Variants in CACNA2D3 observed in about 807,000 individuals in gnomAD.
CACNA2D3 encodes voltage-dependent calcium channel subunit alpha-2/delta-3.
Under a neutral mutation model 160.6 loss-of-function variants are expected in CACNA2D3, and 60 were observed. That is an observed-to-expected ratio of 0.37 (90% CI 0.30 to 0.46). The LOEUF (loss-of-function observed/expected upper bound fraction) is 0.46. Among genes scored for constraint, CACNA2D3 ranks in the 20% least tolerant of loss-of-function variants. The pLI, the probability that CACNA2D3 is intolerant of heterozygous loss-of-function variation, is 1.00. For synonymous variants in CACNA2D3, 558 were observed against 492.9 expected, an observed-to-expected ratio of 1.13 and a Z score of -1.75; for missense variants, 1,205 against 1,365.0, an observed-to-expected ratio of 0.88 and a Z score of 1.85.
At chr3:54,183,386 G>A (rs1180607413) in intron 2 of CACNA2D3, among the ~76,000 whole-genome samples, 1 of 151,994 alleles carries the variant, frequency 6.6e-6, no homozygotes, top group Non-Finnish European at 1.5e-5. Flanking sequence ...GGGAACTGGG[G>A]CCTGTGAAGA....
intron 11 of CACNA2D3, among the ~76,000 whole-genome samples, chr3:54,649,928 C>A (rs890427707): frequency 6.6e-6 from 1 of 152,166 alleles, no homozygotes; most frequent in Non-Finnish European, 1.5e-5. Context: ...CTGTAACTGT[C>A]AAATAACAGA....
At chr3:54,288,393 T>G (rs1281146666) in intron 2 of CACNA2D3, among the ~76,000 whole-genome samples, 5 of 152,200 alleles carry the variant, frequency 3.3e-5, no homozygotes, top group African/African-American at 1.2e-4. Flanking sequence ...AATCTCTGAA[T>G]AGACCAATAA....
intron 2 of CACNA2D3, among the ~76,000 whole-genome samples, chr3:54,219,302 G>C (rs1701522682): frequency 6.6e-6 from 1 of 152,172 alleles, no homozygotes; most frequent in African/African-American, 2.4e-5. Flanking sequence ...AAATGCTATG[G>C]CTCAGGGCTT....
At chr3:54,571,103 T>C (rs1702488974) in intron 8 of CACNA2D3, among the ~76,000 whole-genome samples, 1 of 152,130 alleles carries the variant, frequency 6.6e-6, no homozygotes, top group African/African-American at 2.4e-5. Context: ...AAGCAGGGGC[T>C]TCCAGCTTAT....
At chr3:54,170,075 C>G (rs1207265133) in intron 2 of CACNA2D3, among the ~76,000 whole-genome samples, 4 of 151,488 alleles carry the variant, frequency 2.6e-5, no homozygotes, top group Admixed American at 6.6e-5. Flanking sequence ...GTAATCCCAG[C>G]TACTTGGGAG....
chr3:54,146,745 C>T (rs572536831), intron 2 of CACNA2D3, among the ~76,000 whole-genome samples: 1 of 152,310 alleles, frequency 6.6e-6, no homozygotes, highest in East Asian at 1.9e-4. Flanking sequence ...AGGGAGTCTG[C>T]GGGGTGTCAC....
At chr3:54,911,349 G>GTTTTTTTT (rs1700551309) in intron 27 of CACNA2D3, among the ~76,000 whole-genome samples, 2 of 18,006 alleles carry the variant, frequency 1.1e-4, no homozygotes, top group African/African-American at 3.6e-4. Flanking sequence ...CTTCTTTGTC[G>GTTTTTTTT]TCTTTTTTTT....
At chr3:55,055,447 T>TA (rs1241626392) in intron 35 of CACNA2D3, among the ~76,000 whole-genome samples, 1 of 152,146 alleles carries the variant, frequency 6.6e-6, no homozygotes, top group Non-Finnish European at 1.5e-5. Flanking sequence ...TTAATTACTA[T>TA]AGCTTTGTTG....
At chr3:54,896,924 C>T in intron 26 of CACNA2D3, 54 bp downstream of exon 26, 3 of 1,611,598 alleles carry the variant, frequency 1.9e-6, no homozygotes, top group Admixed American at 3.3e-5. Flanking sequence ...TGGGTCTGGG[C>T]ATTGTGTGCA....
intron 27 of CACNA2D3, among the ~76,000 whole-genome samples, chr3:54,943,578 A>AT (rs1701532574): frequency 6.6e-6 from 1 of 151,628 alleles, no homozygotes; most frequent in Non-Finnish European, 1.5e-5. Flanking sequence ...TTTTTATGTT[A>AT]TTTTTCCCTG....
rs60899252 is a variant in CACNA2D3 at position 54,886,935 on chromosome 3, C to CTTTTTTTTTTTTTTTTTTTTTT, written c.2057-1010_2057-1009insTTTTTTTTTTTTTTTTTTTTTT. 1.9e-5 allele frequency among the ~76,000 whole-genome samples: 2 copies of CTTTTTTTTTTTTTTTTTTTTTT among 107,748 alleles called. 1 individual carries two copies. Among genetic ancestry groups the CTTTTTTTTTTTTTTTTTTTTTT allele is most frequent in the African/African-American group, 7.8e-5 (2 of 25,644 alleles). 70.7% of individuals were successfully genotyped at this position (107,748 alleles called of 152,430 possible). A position where few individuals can be genotyped will look rare whatever the true frequency, so the allele number is the denominator to read the frequency against. ...CTAGCTTTCGCTTTTCAGCAAAGCT[C>CTTTTTTTTTTTTTTTTTTTTTT]TTTTTTTTTTTTTTGCCCCCAGTCA... On this transcript the variant is annotated intron_variant, in intron 23 of 37. Transcript: ENST00000474759.
intron 2 of CACNA2D3, among the ~76,000 whole-genome samples, chr3:54,184,452 T>C (rs1221383689): frequency 6.6e-6 from 1 of 152,204 alleles, no homozygotes; most frequent in Non-Finnish European, 1.5e-5. Flanking sequence ...TTGCCCAAGA[T>C]CATGAGCTTA....
At chr3:54,803,499 T>C (rs1031562596) in intron 13 of CACNA2D3, among the ~76,000 whole-genome samples, 1 of 151,854 alleles carries the variant, frequency 6.6e-6, no homozygotes, top group African/African-American at 2.4e-5. Context: ...AAGGGAAGTT[T>C]AGAGAAAAAA....
intron 31 of CACNA2D3, among the ~76,000 whole-genome samples, chr3:54,991,094 C>T (rs1297435994): frequency 3.3e-5 from 5 of 152,148 alleles, no homozygotes; most frequent in African/African-American, 1.2e-4. Context: ...TTGGCTTGTC[C>T]TTGACAGATC....
intron 27 of CACNA2D3, among the ~76,000 whole-genome samples, chr3:54,912,886 G>A (rs1700589102): frequency 6.6e-6 from 1 of 151,970 alleles, no homozygotes; most frequent in South Asian, 2.1e-4. Flanking sequence ...GAAGACAGTG[G>A]GGTCTCAATG....
Position 54,833,116 on chromosome 3 carries a change from G to C in CACNA2D3, c.1399-4043G>C, listed in dbSNP as rs1267195287. 3.3e-5 allele frequency among the ~76,000 whole-genome samples: 5 copies of C among 152,178 alleles called. No homozygotes were observed. The East Asian group carries it at 9.6e-4, about 29-fold the overall frequency. On this transcript the variant is annotated intron_variant, in intron 14 of 37. Coordinates refer to ENST00000474759, the MANE Select transcript of CACNA2D3 (RefSeq NM_018398.3). ...GCTGACAGGAAGCAGTCAATCTGTT[G>C]AGCAAGTTTGTGTTTTATAAACCAG...
intron 2 of CACNA2D3, among the ~76,000 whole-genome samples, chr3:54,263,421 A>G (rs1326037817): frequency 6.6e-6 from 1 of 152,204 alleles, no homozygotes; most frequent in Non-Finnish European, 1.5e-5. Flanking sequence ...AGTAAAGGCT[A>G]TTTTTACTAT....
chr3:54,152,668 T>A (rs1323094538), intron 2 of CACNA2D3, among the ~76,000 whole-genome samples: 1 of 152,238 alleles, frequency 6.6e-6, no homozygotes, highest in African/African-American at 2.4e-5. Flanking sequence ...TGTCCTGTCT[T>A]CCCTTCTTAA....
intron 5 of CACNA2D3, among the ~76,000 whole-genome samples, chr3:54,519,003 A>G (rs984173131): frequency 7.1e-4 from 10 of 14,094 alleles, no homozygotes; most frequent in African/African-American, 1.0e-3. Context: ...AGAACCTCAC[A>G]GGGTGTGGGG....
Sources: allele counts gnomAD v4.1 joint callset (sites outside exome capture counted in the v4.1 genomes callset), GRCh38; gene constraint gnomAD v4.1.1; transcripts MANE v1.5; gene names NCBI Gene and HGNC (gene_info 2026-07-23, HGNC 2026-07-21).